BTG3: variants seen among roughly 807,000 people sequenced by gnomAD.
BTG3 encodes the protein BTG anti-proliferation factor 3.
Under a neutral mutation model 25.8 loss-of-function variants are expected in BTG3, and 4 were observed. The ratio of observed to expected loss-of-function variants is 0.16; its 90% CI spans 0.08 to 0.36. The LOEUF is 0.36. Ranked by LOEUF, BTG3 falls within the 10% of genes least tolerant of loss-of-function variation. BTG3 has a pLI of 1.00. For synonymous variants in BTG3, 107 were observed against 99.9 expected (o/e 1.07, Z -0.42); for missense variants, 201 against 304.9 (o/e 0.66, Z 2.54).
rs1444718306 is a variant in BTG3, at chr21:17,598,751, T to A, written c.385A>T (p.Arg129Trp). 1 of 1,614,080 alleles carries A rather than the reference T, an allele frequency of 6.2e-7. No homozygotes were observed. The highest frequency in any genetic ancestry group is 1.7e-5 in the Admixed American group (1 of 60,006). The change falls in exon 4 of 5, where the codon AGG (arginine) becomes TGG (tryptophan). Residue 129 changes from arginine to tryptophan, a missense_variant. Coordinates refer to ENST00000348354, the MANE Select transcript of BTG3 (RefSeq NM_006806.5). ...NKDENKDEIS[R>W]KVTRALDKVT... ...TTATCAAGGGCCCTGGTAACTTTCCTGGAGATCTCATCCTTGTTCTCATCT... is the reference window on the plus strand; with the variant it reads ...TTATCAAGGGCCCTGGTAACTTTCCAGGAGATCTCATCCTTGTTCTCATCT...
At position 17,604,204 on chromosome 21, in the gene BTG3, A is replaced by G; in HGVS notation, c.311+656T>C. On this transcript the variant is annotated intron_variant, in intron 3 of 4. Coordinates refer to ENST00000348354, the MANE Select transcript of BTG3 (RefSeq NM_006806.5). ...CACGCCTGTAATCCAGCGCTTTGGG[A>G]GGCCAAGGCGGGCGGATCACGAGGT... 4.8e-6 allele frequency: 5 copies of G among 1,046,468 alleles called. 1 individual carries two copies. Among genetic ancestry groups the G allele is most frequent in the Non-Finnish European group, 6.3e-6 (5 of 790,926 alleles). 64.8% of individuals were successfully genotyped at this position (1,046,468 alleles called of 1,614,324 possible).
At position 17,598,647 on chromosome 21, in the gene BTG3, C is replaced by T. The variant is rs768494268; in HGVS notation, c.489G>A (p.Ser163=). ...ACACAGGACTTGCGGCTGCAGTCACCGAACTGGGTTTCACTTCCATTTCCT... is the reference window on the plus strand; with the variant it reads ...ACACAGGACTTGCGGCTGCAGTCACTGAACTGGGTTTCACTTCCATTTCCT... ...TSKEMEVKPS[S]VTAAASPVYQ... The change falls in exon 4 of 5, where the codon TCG becomes TCA. Residue 163 remains serine, a synonymous_variant. Coordinates refer to ENST00000348354, the MANE Select transcript of BTG3 (RefSeq NM_006806.5). 9.3e-6 allele frequency: 15 copies of T among 1,613,896 alleles called. No homozygotes were observed. Among genetic ancestry groups the T allele is most frequent in the African/African-American group, 6.7e-5 (5 of 74,876 alleles).
At chr21:17,605,055 A>G in intron 2 of BTG3, 58 bp from the exon 3 acceptor site, 2 of 1,572,420 alleles carry the variant, frequency 1.3e-6, no homozygotes, top group Admixed American at 1.7e-5. Context: ...TAAACGCCGT[A>G]ATATCTATTC....
chr21:17,608,760 T>C (rs757438443), intron 2 of BTG3: 294 of 450,408 alleles, frequency 6.5e-4, no homozygotes, highest in Admixed American at 3.6e-4. Context: ...CCCCATAGCA[T>C]TGGCCTCCTG....
chr21:17,602,060 A>G (rs1569181094), intron 3 of BTG3, among the ~76,000 whole-genome samples: 1 of 152,196 alleles, frequency 6.6e-6, no homozygotes, highest in Non-Finnish European at 1.5e-5. Flanking sequence ...CCATTTTTCA[A>G]TGATCACTGA....
At chr21:17,604,195 C>T (rs762093839) in intron 3 of BTG3, 20 of 1,187,384 alleles carry the variant, frequency 1.7e-5, no homozygotes, top group Non-Finnish European at 2.2e-5. Context: ...TGTAATCCAG[C>T]GCTTTGGGAG....
At chr21:17,605,559 A>T (rs2061628682) in intron 2 of BTG3, among the ~76,000 whole-genome samples, 1 of 152,216 alleles carries the variant, frequency 6.6e-6, no homozygotes, top group Non-Finnish European at 1.5e-5. Context: ...TGATTAAAAT[A>T]CCTAACTAAC....
At chr21:17,604,811 A>G (rs202025123) in intron 3 of BTG3, 49 bp downstream of exon 3, 395 of 1,580,674 alleles carry the variant, frequency 2.5e-4, no homozygotes, top group Non-Finnish European at 2.7e-4. Flanking sequence ...ATGTCATAAA[A>G]TTAGTTCCAG....
chr21:17,594,449 C>T, intron 4 of BTG3, 117 bp from the exon 5 acceptor site: 3 of 1,202,716 alleles, frequency 2.5e-6, no homozygotes, highest in Admixed American at 2.4e-5. Flanking sequence ...ATCTAAGTGA[C>T]ACTCCTATTG....
chr21:17,612,110 T>C (rs2061735958), intron 1 of BTG3: 1 of 152,268 alleles, frequency 6.6e-6, no homozygotes, highest in African/African-American at 2.4e-5. Flanking sequence ...GGATCAAACA[T>C]CTCCACCCGC....
intron 3 of BTG3, chr21:17,604,107 A>G (rs950374179): frequency 2.4e-6 from 3 of 1,273,402 alleles, no homozygotes; most frequent in Non-Finnish European, 3.1e-6. Context: ...AACTTCCATT[A>G]TAAAAATAAA....
At chr21:17,594,482 C>A in intron 4 of BTG3, 150 bp from the exon 5 acceptor site, 1 of 919,114 alleles carries the variant, frequency 1.1e-6, no homozygotes, top group Non-Finnish European at 1.6e-6. Context: ...ACATTAAAAA[C>A]CTCATGTGTA....
intron 3 of BTG3, chr21:17,604,085 G>A (rs1377551166): frequency 1.5e-5 from 18 of 1,231,258 alleles, no homozygotes; most frequent in African/African-American, 1.6e-5. Context: ...TTCATTAGGA[G>A]ATGTGAAAAA....
chr21:17,600,472 A>T (rs2061558044), intron 3 of BTG3, among the ~76,000 whole-genome samples: 1 of 152,228 alleles, frequency 6.6e-6, no homozygotes, highest in Non-Finnish European at 1.5e-5. Context: ...TTATTTCTGA[A>T]TCAGAATGGT....
At chr21:17,608,113 T>C (rs990987117) in intron 2 of BTG3, among the ~76,000 whole-genome samples, 22 of 152,270 alleles carry the variant, frequency 1.4e-4, no homozygotes, top group Non-Finnish European at 2.9e-4. Flanking sequence ...ACGCCTGTAA[T>C]CCTCACATTC....
Position 17,593,883 on chromosome 21 carries a change from T to A in BTG3, c.*210A>T. The A allele has an allele frequency of 1.6e-6, 1 of 616,256 alleles. No individual in the cohort carries two copies. The highest frequency in any genetic ancestry group is 2.6e-6 in the Non-Finnish European group (1 of 383,434). 38.2% of individuals were successfully genotyped at this position (616,256 alleles called of 1,614,324 possible). A position where few individuals can be genotyped will look rare whatever the true frequency, so the allele number is the denominator to read the frequency against. The stretch of plus-strand genomic sequence containing the variant: ...AATATTAAAAACTTAGGCACTTGAC[T>A]AACTTTAATAAAATTTCTCAAACTA... On this transcript the variant is annotated 3_prime_UTR_variant, in exon 5 of 5. Transcript: ENST00000348354.
chr21:17,600,938 T>C (rs1252077960), intron 3 of BTG3, among the ~76,000 whole-genome samples: 1 of 151,626 alleles, frequency 6.6e-6, no homozygotes, highest in African/African-American at 2.4e-5. Context: ...CCAAGGCGGG[T>C]GGATCATGAG....
intron 3 of BTG3, 36 bp from the exon 4 acceptor site, chr21:17,598,860 T>A: frequency 6.4e-7 from 1 of 1,564,180 alleles, no homozygotes; most frequent in Non-Finnish European, 8.7e-7. Context: ...AATCTTGAAG[T>A]CACATCAGCA....
chr21:17,594,034 T>G lies in BTG3; in HGVS notation c.*59A>C. On this transcript the variant is annotated 3_prime_UTR_variant, in exon 5 of 5. Coordinates refer to ENST00000348354, the MANE Select transcript of BTG3 (RefSeq NM_006806.5). ...TAGTAAGAACTTTTAACTTTTAATG[T>G]GTAGTAAGGTTTATTCTACCTTTTT... 6.4e-7 allele frequency: 1 copy of G among 1,552,504 alleles called. No homozygotes were observed. Among genetic ancestry groups the G allele is most frequent in the Non-Finnish European group, 8.7e-7 (1 of 1,150,318 alleles).
Sources: gnomAD v4.1 joint callset for allele counts (sites outside exome capture counted in the v4.1 genomes callset) on GRCh38, gnomAD v4.1.1 for gene constraint, MANE v1.5 for transcripts, NCBI Gene and HGNC (gene_info 2026-07-23, HGNC 2026-07-21) for gene names.